The following SPRY3 variants were observed in gnomAD, a reference collection of about 807,000 sequenced individuals.
The protein encoded by SPRY3 is protein sprouty homolog 3.
In SPRY3, 15 loss-of-function variants were observed where a neutral mutation model predicts 20.2. The observed-to-expected ratio is 0.74, with a 90% confidence interval of 0.50 to 1.14. SPRY3 has a LOEUF of 1.14. SPRY3 is among the 50% of genes most tolerant of loss of function. The probability of loss-of-function intolerance (pLI) is 0.00; values close to 1 mark genes in which losing one functional copy is unlikely to be tolerated. For synonymous variants in SPRY3, 143 were observed against 136.5 expected (o/e 1.05, Z -0.33); for missense variants, 364 against 363.9 (o/e 1.00, Z 0.00).
exon 4 of SPRY3, chrX:155,775,482 A>G (rs1208585934): frequency 6.0e-6 from 1 of 167,146 alleles, no homozygotes; most frequent in African/African-American, 2.4e-5. Context: ...TTGCTATGCT[A>G]TACTATTTAC....
At position 155,654,648 on chromosome X, in the gene SPRY3, A is replaced by G. The variant is rs140853386; in HGVS notation, c.-440-2219A>G. 1.6e-3 allele frequency among the ~76,000 whole-genome samples: 179 copies of G among 109,246 alleles called. 1 individual carries two copies. Among genetic ancestry groups the G allele is most frequent in the South Asian group, 3.2e-3 (8 of 2,468 alleles). 94.9% of individuals were successfully genotyped at this position (109,246 alleles called of 115,157 possible). On this transcript the variant is annotated intron_variant, in intron 1 of 3. Coordinates refer to ENST00000675360, the Ensembl canonical transcript of SPRY3. ...TTCCATCCATGCAACTGCAAAAGAC[A>G]TGATTTCATTCTTTCTTATGGCTGC...
At chrX:155,734,986 A>G (rs1331396641) in intron 2 of SPRY3, among the ~76,000 whole-genome samples, 1 of 151,866 alleles carries the variant, frequency 6.6e-6, no homozygotes, top group Non-Finnish European at 1.5e-5. Flanking sequence ...TGTCCATTAA[A>G]TGCTATTAAT....
chrX:155,655,693 A>G (rs1396017739), intron 1 of SPRY3, among the ~76,000 whole-genome samples: 4 of 110,895 alleles, frequency 3.6e-5, no homozygotes, highest in African/African-American at 9.9e-5. Flanking sequence ...CCATTGACCT[A>G]TGTGTCCATT....
chrX:155,757,559 T>C (rs1336617414), intron 2 of SPRY3, among the ~76,000 whole-genome samples: 2 of 152,142 alleles, frequency 1.3e-5, no homozygotes, highest in African/African-American at 4.8e-5. Context: ...ATTTGGTATT[T>C]TCCATCACCC....
exon 4 of SPRY3, chrX:155,773,973 C>G (rs762620475): frequency 6.2e-7 from 1 of 1,613,996 alleles, no homozygotes; most frequent in Non-Finnish European, 8.5e-7. Flanking sequence ...CTCCAGCCCC[C>G]TGTAAACAGG....
chrX:155,740,892 C>T (rs781320676), intron 2 of SPRY3, among the ~76,000 whole-genome samples: 5 of 152,208 alleles, frequency 3.3e-5, no homozygotes, highest in East Asian at 1.9e-4. Context: ...GTGGGCATCA[C>T]GGTCCTACCG....
intron 2 of SPRY3, among the ~76,000 whole-genome samples, chrX:155,712,862 A>G (rs1490504890): frequency 4.6e-5 from 7 of 151,892 alleles, no homozygotes; most frequent in Non-Finnish European, 7.4e-5. Context: ...ATTTGAGGTT[A>G]CCATGAGGCC....
intron 2 of SPRY3, among the ~76,000 whole-genome samples, chrX:155,676,718 T>G (rs2068059591): frequency 1.8e-5 from 2 of 112,219 alleles, no homozygotes; most frequent in South Asian, 7.3e-4. Flanking sequence ...TGGCATTTTG[T>G]GAGGGCCTTC....
chrX:155,653,274 AT>A (rs1280353360), intron 1 of SPRY3, among the ~76,000 whole-genome samples: 1 of 111,745 alleles, frequency 8.9e-6, no homozygotes, highest in African/African-American at 3.2e-5. Context: ...GGTTTTTAAA[AT>A]TTTGTTACTT....
intron 2 of SPRY3, among the ~76,000 whole-genome samples, chrX:155,743,830 A>C (rs2091214192): frequency 6.6e-6 from 1 of 152,138 alleles, no homozygotes; most frequent in Non-Finnish European, 1.5e-5. Context: ...AAAGGAATAA[A>C]ATCATGATAC....
At chrX:155,766,394 A>G (rs2091330196) in intron 2 of SPRY3, among the ~76,000 whole-genome samples, 1 of 152,188 alleles carries the variant, frequency 6.6e-6, no homozygotes, top group South Asian at 2.1e-4. Flanking sequence ...CTAGAGGGGA[A>G]GAAAATTGCT....
At chrX:155,694,429 A>G (rs925564383) in intron 2 of SPRY3, among the ~76,000 whole-genome samples, 7 of 110,568 alleles carry the variant, frequency 6.3e-5, no homozygotes, top group Admixed American at 1.9e-4. Flanking sequence ...ACCTCTCTAC[A>G]CACCCTGATT....
At chrX:155,727,823 C>T (rs1000536655) in intron 2 of SPRY3, among the ~76,000 whole-genome samples, 3 of 152,076 alleles carry the variant, frequency 2.0e-5, no homozygotes, top group African/African-American at 2.4e-5. Flanking sequence ...AGTCTTTTTC[C>T]GTCCAGCTTT....
intron 1 of SPRY3, among the ~76,000 whole-genome samples, chrX:155,651,600 C>T (rs1557352393): frequency 8.9e-6 from 1 of 111,871 alleles, no homozygotes; most frequent in Admixed American, 9.5e-5. Flanking sequence ...CAGTCTGTTG[C>T]TTGTCATTTT....
chrX:155,617,733 GACTA>G (rs1463488699), intron 1 of SPRY3, among the ~76,000 whole-genome samples: 3 of 111,761 alleles, frequency 2.7e-5, no homozygotes, highest in Admixed American at 1.9e-4. Context: ...TTGGTTTCAA[GACTA>G]ACTATAAAAC....
At chrX:155,638,329 T>A (rs868936164) in intron 1 of SPRY3, among the ~76,000 whole-genome samples, 2 of 2,022 alleles carry the variant, frequency 9.9e-4, no homozygotes, top group Non-Finnish European at 2.2e-3. Flanking sequence ...TATATATATA[T>A]ATATATATAT....
intron 3 of SPRY3, among the ~76,000 whole-genome samples, chrX:155,772,251 T>A (rs2091385446): frequency 6.6e-6 from 1 of 152,200 alleles, no homozygotes; most frequent in African/African-American, 2.4e-5. Context: ...TTATCAGGTT[T>A]GCATGAGGAT....
At chrX:155,751,380 T>C (rs2091261305) in intron 2 of SPRY3, among the ~76,000 whole-genome samples, 1 of 151,880 alleles carries the variant, frequency 6.6e-6, no homozygotes, top group South Asian at 2.1e-4. Context: ...ACTACTTTAT[T>C]AAGAACTTGA....
At chrX:155,663,504 G>A (rs782641705) in intron 2 of SPRY3, among the ~76,000 whole-genome samples, 1 of 111,225 alleles carries the variant, frequency 9.0e-6, no homozygotes, top group Non-Finnish European at 1.9e-5. Flanking sequence ...GAGAGGAAAG[G>A]CAAAAAGAGG....
Sources: allele counts gnomAD v4.1 joint callset (sites outside exome capture counted in the v4.1 genomes callset), GRCh38; gene constraint gnomAD v4.1.1; transcripts MANE v1.5; gene names NCBI Gene and HGNC (gene_info 2026-07-23, HGNC 2026-07-21).